Variants in SRD5A1 observed in about 807,000 individuals in gnomAD.
SRD5A1 encodes the protein 3-oxo-5-alpha-steroid 4-dehydrogenase 1.
In SRD5A1, 22 loss-of-function variants were observed where a neutral mutation model predicts 28.2. That is an observed-to-expected ratio of 0.78 (90% CI 0.56 to 1.12). The LOEUF is 1.12. Ranked by LOEUF, SRD5A1 falls within the 50% of genes most tolerant of loss-of-function variation. SRD5A1 has a pLI of 0.00. For missense variants in SRD5A1, 300 were observed against 346.7 expected (o/e 0.87, Z 1.07); for synonymous variants, 151 against 135.0 (o/e 1.12, Z -0.82).
At chr5:6,641,750 T>G (rs746848645) in intron 1 of SRD5A1, among the ~76,000 whole-genome samples, 1 of 152,234 alleles carries the variant, frequency 6.6e-6, no homozygotes, top group Non-Finnish European at 1.5e-5. Flanking sequence ...CCTGAGGTTC[T>G]TTGTGAATGT....
At chr5:6,643,125 A>G (rs1332482846) in intron 1 of SRD5A1, among the ~76,000 whole-genome samples, 1 of 151,836 alleles carries the variant, frequency 6.6e-6, no homozygotes, top group Non-Finnish European at 1.5e-5. Flanking sequence ...GTGTTTTCTC[A>G]ACATCTTTGA....
At position 6,633,865 on chromosome 5, in the gene SRD5A1, C is replaced by T. The variant is rs1738076626; in HGVS notation, c.289C>T (p.His97Tyr). The T allele has an allele frequency of 8.8e-6, 14 of 1,596,978 alleles. No homozygotes were observed. The highest frequency in any genetic ancestry group is 1.0e-5 in the Non-Finnish European group (12 of 1,179,330). The change falls in exon 1 of 5, where the codon CAT becomes TAT. Residue 97 changes from histidine to tyrosine, a missense_variant. His to Tyr is a moderately conservative substitution (Grantham distance 83). Transcript: ENST00000274192. Reference protein sequence around the residue: ...LLAMFLVHYGHRCLIYPFLMR... With the variant: ...LLAMFLVHYGYRCLIYPFLMR... The stretch of plus-strand genomic sequence containing the variant: ...GGCCATGTTCCTCGTCCACTACGGG[C>T]ATCGGTAACGTCCCCGGCCCCCGGC...
chr5:6,662,876 G>C lies in SRD5A1; in HGVS notation c.623G>C (p.Gly208Ala), dbSNP rs375916975. Residue 208 changes from glycine (G) to alanine (A), a missense_variant, in exon 4 of 5, where the codon GGC becomes GCC. By Grantham distance (60) the Gly-to-Ala change is moderately conservative. This residue lies in a region of SRD5A1 where 126 missense variants were observed against 185.7 expected (regional missense o/e 0.68). Coordinates refer to ENST00000274192, the MANE Select transcript of SRD5A1 (RefSeq NM_001047.4). The stretch of plus-strand genomic sequence containing the variant: ...TTTGGAGAAATCATGGAGTGGTGTG[G>C]CTATGCCCTGGCCAGCTGGTCTGTC... ...NYFGEIMEWC[G>A]YALASWSVQG... 20 of 1,613,276 alleles carry C rather than the reference G, an allele frequency of 1.2e-5. No homozygotes were observed. Among genetic ancestry groups the C allele is most frequent in the Non-Finnish European group, 1.7e-5 (20 of 1,180,032 alleles).
intron 1 of SRD5A1, among the ~76,000 whole-genome samples, chr5:6,648,586 C>G (rs976062476): frequency 1.5e-4 from 23 of 152,300 alleles, no homozygotes; most frequent in African/African-American, 5.5e-4. Flanking sequence ...TCACGAAGTT[C>G]TTGTGCTGTG....
At chr5:6,651,739 G>A in intron 1 of SRD5A1, 103 bp from the exon 2 acceptor site, 1 of 1,074,194 alleles carries the variant, frequency 9.3e-7, no homozygotes, top group Non-Finnish European at 1.3e-6. Flanking sequence ...GATGACATTT[G>A]TACAAGAAAG....
rs1016350882 is a variant in SRD5A1, at chr5:6,673,033, C to A, written c.*4765C>A. The A allele has an allele frequency of 6.6e-6, 1 of 152,184 alleles. No individual in the cohort carries two copies. The highest frequency in any genetic ancestry group is 2.4e-5 in the African/African-American group (1 of 41,444). The allele number at this position is 152,184 out of a possible 1,614,324, so 9.4% of individuals were successfully genotyped here. On this transcript the variant is annotated 3_prime_UTR_variant, in exon 5 of 5. Transcript: ENST00000274192. Reference sequence around the variant, plus strand: ...GCAAAATCTGCTCTCAAAGGCTTCACGTAGCCGGGAAAACTCCGTTCCCAA... The same window carrying A: ...GCAAAATCTGCTCTCAAAGGCTTCAAGTAGCCGGGAAAACTCCGTTCCCAA...
At chr5:6,643,643 A>G (rs536025651) in intron 1 of SRD5A1, among the ~76,000 whole-genome samples, 1 of 152,254 alleles carries the variant, frequency 6.6e-6, no homozygotes, top group South Asian at 2.1e-4. Context: ...TAACTCCTCT[A>G]GCAAGTGTTC....
At chr5:6,635,829 T>G (rs1738168537) in intron 1 of SRD5A1, among the ~76,000 whole-genome samples, 1 of 152,146 alleles carries the variant, frequency 6.6e-6, no homozygotes. Flanking sequence ...CATGTTTCAT[T>G]GTACCTACAT....
chr5:6,653,543 C>G (rs1034449845), intron 2 of SRD5A1: 11 of 152,160 alleles, frequency 7.2e-5, no homozygotes, highest in African/African-American at 2.7e-4. Context: ...TGTGAAAGGT[C>G]AGAAGAGTTA....
chr5:6,648,411 A>G (rs1579401686), intron 1 of SRD5A1, among the ~76,000 whole-genome samples: 1 of 152,202 alleles, frequency 6.6e-6, no homozygotes, highest in Non-Finnish European at 1.5e-5. Flanking sequence ...ACTTTCAGGT[A>G]CAAGAGTCAA....
intron 3 of SRD5A1, among the ~76,000 whole-genome samples, chr5:6,662,270 C>T (rs1739029647): frequency 6.6e-6 from 1 of 152,232 alleles, no homozygotes; most frequent in Non-Finnish European, 1.5e-5. Flanking sequence ...TCACTCTGCC[C>T]TGCCCCTCGC....
At chr5:6,660,431 A>G (rs1409709294) in intron 3 of SRD5A1, among the ~76,000 whole-genome samples, 3 of 152,220 alleles carry the variant, frequency 2.0e-5, no homozygotes, top group Admixed American at 2.0e-4. Flanking sequence ...TCTGCAGGGT[A>G]TGGTACAAAG....
At chr5:6,646,547 T>C (rs999526343) in intron 1 of SRD5A1, among the ~76,000 whole-genome samples, 3 of 152,232 alleles carry the variant, frequency 2.0e-5, no homozygotes, top group Non-Finnish European at 4.4e-5. Context: ...TCTAGATTTT[T>C]CTAGTTTATT....
At chr5:6,658,340 AT>A (rs1417634572) in intron 3 of SRD5A1, among the ~76,000 whole-genome samples, 3 of 152,222 alleles carry the variant, frequency 2.0e-5, no homozygotes, top group Non-Finnish European at 4.4e-5. Context: ...AATAAAAAAA[AT>A]AAAATGTGAA....
chr5:6,666,565 A>G (rs1739186848), intron 4 of SRD5A1, among the ~76,000 whole-genome samples: 1 of 152,252 alleles, frequency 6.6e-6, no homozygotes, highest in Admixed American at 6.5e-5. Context: ...GGTCAGAAAC[A>G]GTCAACTGTG....
intron 2 of SRD5A1, 87 bp from the exon 3 acceptor site, chr5:6,655,991 G>A: frequency 1.1e-6 from 1 of 918,742 alleles, no homozygotes; most frequent in Non-Finnish European, 1.8e-6. Context: ...CTGAAGGGTT[G>A]CAATAATACT....
intron 2 of SRD5A1, among the ~76,000 whole-genome samples, chr5:6,653,227 C>T (rs750807629): frequency 6.6e-6 from 1 of 152,140 alleles, no homozygotes; most frequent in Non-Finnish European, 1.5e-5. Flanking sequence ...AAGGTTTCAT[C>T]ATACCTGAGG....
intron 4 of SRD5A1, among the ~76,000 whole-genome samples, chr5:6,665,482 C>T (rs1013212806): frequency 3.3e-5 from 5 of 152,166 alleles, no homozygotes; most frequent in Non-Finnish European, 7.3e-5. Context: ...TTGTTGTCAC[C>T]GGTTTGGTTG....
chr5:6,657,106 A>T (rs987041931), intron 3 of SRD5A1, among the ~76,000 whole-genome samples: 1 of 152,250 alleles, frequency 6.6e-6, no homozygotes, highest in Non-Finnish European at 1.5e-5. Context: ...AAAGGGCGTG[A>T]CATCACTTAG....
Sources: allele counts gnomAD v4.1 joint callset (sites outside exome capture counted in the v4.1 genomes callset), GRCh38; gene constraint gnomAD v4.1.1; regional missense constraint gnomAD v4.1.1; transcripts MANE v1.5; gene names NCBI Gene and HGNC (gene_info 2026-07-23, HGNC 2026-07-21).